The following SEC14L5 variants were observed in gnomAD, a reference collection of about 807,000 sequenced individuals.
SEC14L5 encodes the protein SEC14 like lipid binding 5.
A neutral mutation model predicts 84.6 loss-of-function variants in SEC14L5; 96 were observed. That is an observed-to-expected ratio of 1.13 (90% confidence interval 0.96 to 1.34). The LOEUF (loss-of-function observed/expected upper bound fraction) is 1.34, where lower values mean the gene tolerates loss of function less well. Ranked by LOEUF, SEC14L5 falls within the 40% of genes most tolerant of loss-of-function variation. The pLI is 0.00. For synonymous variants in SEC14L5, 546 were observed against 383.4 expected (o/e 1.42, Z -4.95); for missense variants, 1,224 against 942.5 (o/e 1.30, Z -3.91).
At chr16:4,974,561 TA>T (rs919214812) in intron 2 of SEC14L5, among the ~76,000 whole-genome samples, 1 of 151,232 alleles carries the variant, frequency 6.6e-6, no homozygotes, top group South Asian at 2.1e-4. Flanking sequence ...TTTAATTTTT[TA>T]AAAAAACATT....
chr16:5,005,800 C>T (rs1048935998), intron 11 of SEC14L5, 114 bp from the exon 12 acceptor site: 6 of 1,040,962 alleles, frequency 5.8e-6, no homozygotes, highest in African/African-American at 5.1e-5. Context: ...GGAGGTGGAG[C>T]TTGCAGTGAG....
chr16:4,976,319 C>T (rs1156462202), intron 2 of SEC14L5, among the ~76,000 whole-genome samples: 1 of 152,186 alleles, frequency 6.6e-6, no homozygotes, highest in Non-Finnish European at 1.5e-5. Flanking sequence ...GGCCCCAGAG[C>T]CCACTCTCTT....
chr16:4,980,780 G>A (rs73510408), intron 2 of SEC14L5, among the ~76,000 whole-genome samples: 9,185 of 152,154 alleles, frequency 0.06, 385 homozygotes, highest in African/African-American at 0.11. Context: ...AGGGTGTCCC[G>A]GGAAGAAGGA....
At chr16:5,011,565 C>T (rs986134897) in intron 15 of SEC14L5, among the ~76,000 whole-genome samples, 2 of 152,180 alleles carry the variant, frequency 1.3e-5, no homozygotes, top group Non-Finnish European at 1.5e-5. Context: ...AGTCTTAAAC[C>T]CTTCCATGTG....
intron 2 of SEC14L5, among the ~76,000 whole-genome samples, chr16:4,968,331 C>A (rs183457474): frequency 2.0e-3 from 307 of 152,146 alleles, no homozygotes; most frequent in Non-Finnish European, 3.6e-3. Flanking sequence ...AGGCATGCAC[C>A]ACCACGCCAG....
chr16:4,989,901 T>G (rs924188741), intron 4 of SEC14L5, among the ~76,000 whole-genome samples: 2 of 152,058 alleles, frequency 1.3e-5, no homozygotes, highest in African/African-American at 4.8e-5. Flanking sequence ...TTTAACAGAC[T>G]CCTTGGTAAT....
intron 2 of SEC14L5, among the ~76,000 whole-genome samples, chr16:4,978,497 C>G (rs114529349): frequency 6.8e-6 from 1 of 146,472 alleles, no homozygotes; most frequent in Non-Finnish European, 1.5e-5. Context: ...TAGCTCATTG[C>G]AGCCTTGACC....
At chr16:5,014,289 C>T (rs1231405012) in intron 15 of SEC14L5, among the ~76,000 whole-genome samples, 1 of 152,170 alleles carries the variant, frequency 6.6e-6, no homozygotes, top group Non-Finnish European at 1.5e-5. Flanking sequence ...TGCCTCACGC[C>T]TGTAATCCAA....
At chr16:5,001,685 G>T (rs1381376342) in intron 10 of SEC14L5, among the ~76,000 whole-genome samples, 1 of 152,146 alleles carries the variant, frequency 6.6e-6, no homozygotes, top group Non-Finnish European at 1.5e-5. Context: ...TTCTGTTCCT[G>T]AACTGTTTCC....
intron 10 of SEC14L5, among the ~76,000 whole-genome samples, chr16:5,001,799 C>T (rs556625133): frequency 6.6e-6 from 1 of 151,182 alleles, no homozygotes; most frequent in Non-Finnish European, 1.5e-5. Flanking sequence ...TTGAGACAGG[C>T]TCTCACTCTG....
intron 2 of SEC14L5, among the ~76,000 whole-genome samples, chr16:4,970,151 C>T (rs1251478545): frequency 6.6e-6 from 1 of 152,002 alleles, no homozygotes; most frequent in Non-Finnish European, 1.5e-5. Flanking sequence ...CTTATCGAGC[C>T]CTCAGCATAG....
intron 6 of SEC14L5, among the ~76,000 whole-genome samples, chr16:4,993,482 TC>T (rs1457783161): frequency 1.3e-5 from 2 of 152,208 alleles, no homozygotes; most frequent in Non-Finnish European, 2.9e-5. Context: ...CCTCAGGTGA[TC>T]CACCTGCCTT....
intron 2 of SEC14L5, among the ~76,000 whole-genome samples, chr16:4,975,723 G>A (rs1357461949): frequency 2.0e-5 from 3 of 152,124 alleles, no homozygotes; most frequent in East Asian, 3.9e-4. Flanking sequence ...TGGAGGAGGT[G>A]AGTAGATTGA....
chr16:5,007,929 A>G (rs1596644093), intron 13 of SEC14L5, among the ~76,000 whole-genome samples: 1 of 110,858 alleles, frequency 9.0e-6, no homozygotes, highest in East Asian at 2.6e-4. Flanking sequence ...TTTTTTTGAG[A>G]CCGAGTCTCA....
intron 2 of SEC14L5, among the ~76,000 whole-genome samples, chr16:4,970,132 G>C (rs988210819): frequency 6.6e-6 from 1 of 152,132 alleles, no homozygotes. Context: ...TTTTGATGTG[G>C]TTCCTGCCCT....
At chr16:5,011,047 T>G in intron 14 of SEC14L5, 48 bp from the exon 15 acceptor site, 1 of 1,535,040 alleles carries the variant, frequency 6.5e-7, no homozygotes, top group Non-Finnish European at 8.8e-7. Flanking sequence ...CTCCTTGACC[T>G]GTCCTCTGGA....
intron 2 of SEC14L5, among the ~76,000 whole-genome samples, chr16:4,985,385 C>T (rs1488018362): frequency 6.6e-6 from 1 of 151,996 alleles, no homozygotes; most frequent in African/African-American, 2.4e-5. Flanking sequence ...GCTACTATGC[C>T]CAGCTAATTT....
chr16:4,969,093 A>G (rs1325994786), intron 2 of SEC14L5, among the ~76,000 whole-genome samples: 1 of 152,224 alleles, frequency 6.6e-6, no homozygotes, highest in Non-Finnish European at 1.5e-5. Flanking sequence ...TCCTGTTGCT[A>G]ACAGATTAAG....
Position 4,991,898 on chromosome 16 carries a change from C to A in SEC14L5, c.535C>A (p.Pro179Thr). The change falls in exon 6 of 16, where the codon CCG becomes ACG. Residue 179 changes from proline (P) to threonine (T), a missense_variant. Transcript: ENST00000251170. ...ELISQGTSHI[P>T]RWTPAPVREE... ...CATCTCCCAGGGTACCTCGCACATT[C>A]CGCGCTGGACGCCTGCCCCAGTCCG... 1 of 1,609,248 alleles carries A rather than the reference C, an allele frequency of 6.2e-7. No homozygotes were observed.
Sources: allele counts gnomAD v4.1 joint callset (sites outside exome capture counted in the v4.1 genomes callset), GRCh38; gene constraint gnomAD v4.1.1; transcripts MANE v1.5; gene names NCBI Gene and HGNC (gene_info 2026-07-23, HGNC 2026-07-21).